The following PLG variants were observed in gnomAD, a reference collection of about 807,000 sequenced individuals.
PLG encodes plasmin.
PLG carries 41 observed loss-of-function variants against 104.4 expected under a neutral mutation model. The observed-to-expected ratio is 0.39, with a 90% CI of 0.31 to 0.51. The LOEUF is 0.51. Among genes scored for constraint, PLG ranks in the 20% least tolerant of loss-of-function variants. The pLI, the probability that PLG is intolerant of heterozygous loss-of-function variation, is 0.76. For missense variants in PLG, 891 were observed against 1,003.6 expected (o/e 0.89, Z 1.52); for synonymous variants, 337 against 357.1 (o/e 0.94, Z 0.63).
chr6:160,746,858 G>A (rs1202616130), intron 17 of PLG, among the ~76,000 whole-genome samples: 1 of 152,154 alleles, frequency 6.6e-6, no homozygotes, highest in East Asian at 1.9e-4. Flanking sequence ...ATGTTAGCAA[G>A]GTATTTTTGG....
chr6:160,748,378 A>AAGAGAGAGAG (rs1405091216), intron 17 of PLG, among the ~76,000 whole-genome samples: 1 of 41,734 alleles, frequency 2.4e-5, no homozygotes, highest in Non-Finnish European at 4.7e-5. Flanking sequence ...GAAAGAAAGA[A>AAGAGAGAGAG]AGAAAGAAAG....
At chr6:160,718,601 C>T in intron 8 of PLG, 92 bp from the exon 9 acceptor site, 1 of 1,431,868 alleles carries the variant, frequency 7.0e-7, no homozygotes, top group Non-Finnish European at 9.9e-7. Flanking sequence ...TGAACTTTAG[C>T]ACGTTTTTTC....
chr6:160,711,573 G>C, intron 4 of PLG: 1 of 1,609,336 alleles, frequency 6.2e-7, no homozygotes, highest in Non-Finnish European at 8.5e-7. Flanking sequence ...CACAATATGT[G>C]AATAAGCAGA....
At chr6:160,742,938 G>A (rs1456987057) in intron 17 of PLG, among the ~76,000 whole-genome samples, 1 of 150,876 alleles carries the variant, frequency 6.6e-6, no homozygotes, top group African/African-American at 2.4e-5. Context: ...TGTCAGCTTT[G>A]TTAAAAATCA....
chr6:160,753,742 C>T lies in PLG; in HGVS notation c.*681C>T, dbSNP rs557756245. Among the ~76,000 whole-genome samples the T allele has an allele frequency of 1.5e-3, 226 of 152,184 alleles. No homozygotes were observed. Among genetic ancestry groups the T allele is most frequent in the African/African-American group, 5.3e-3 (221 of 41,518 alleles). On this transcript the variant is annotated 3_prime_UTR_variant, in exon 19 of 19. Coordinates refer to ENST00000308192, the MANE Select transcript of PLG (RefSeq NM_000301.5). The surrounding 1 kb of genome is among the most constrained non-coding windows in gnomAD (Gnocchi z 5.4). Reference sequence around the variant, plus strand: ...GTGAGTCTAGGATTGGTGCCAAGAGCATGTAAATGAACAACAAGCAAATAT... The same window carrying T: ...GTGAGTCTAGGATTGGTGCCAAGAGTATGTAAATGAACAACAAGCAAATAT...
At chr6:160,727,261 A>G (rs529149041) in intron 10 of PLG, among the ~76,000 whole-genome samples, 2 of 151,940 alleles carry the variant, frequency 1.3e-5, no homozygotes, top group South Asian at 4.1e-4. Flanking sequence ...TCTGATATCT[A>G]TTAAAGACAA....
At position 160,726,631 on chromosome 6, in the gene PLG, A is replaced by G. The variant is rs1428192651; in HGVS notation, c.1256+4064A>G. Among the ~76,000 whole-genome samples the G allele has an allele frequency of 6.6e-6, 1 of 151,942 alleles. No homozygotes were observed. The highest frequency in any genetic ancestry group is 6.6e-5 in the Admixed American group (1 of 15,262). Reference sequence around the variant, plus strand: ...TTTGCTATTTCACTTTTATTTCCTGATAAGTGTACAGTGGAGTTTTCCAGA... The same window carrying G: ...TTTGCTATTTCACTTTTATTTCCTGGTAAGTGTACAGTGGAGTTTTCCAGA... On this transcript the variant is annotated intron_variant, in intron 10 of 18. Coordinates refer to ENST00000308192, the MANE Select transcript of PLG (RefSeq NM_000301.5). The surrounding 1 kb of genome is among the most constrained non-coding windows in gnomAD (Gnocchi z 4.4).
intron 6 of PLG, among the ~76,000 whole-genome samples, chr6:160,716,226 A>G (rs4252106): frequency 0.091 from 13,829 of 152,256 alleles, 1,634 homozygotes; most frequent in Middle Eastern, 0.28. Flanking sequence ...ATTTGCTTAC[A>G]TCAATTTTCC....
In PLG at chr6:160,726,029, T is replaced by A. The variant is rs34644229; in HGVS notation, c.1256+3462T>A. ...TATCCTAATGTCTCTCTCCGTATGG[T>A]TATACATCTTCCCAAACAAAATATA... On this transcript the variant is annotated intron_variant, in intron 10 of 18. Transcript: ENST00000308192. The surrounding 1 kb of genome is among the most constrained non-coding windows in gnomAD (Gnocchi z 4.4). Among the ~76,000 whole-genome samples the A allele has an allele frequency of 1.5e-3, 231 of 152,186 alleles. No homozygotes were observed. The highest frequency in any genetic ancestry group is 2.8e-3 in the Non-Finnish European group (192 of 67,966).
In PLG at chr6:160,718,418, T is replaced by A. The variant is rs766409637; in HGVS notation, c.912T>A (p.Pro304=). Reference sequence around the variant, plus strand: ...GTCAGCACTGGAGTGCACAGACCCCTCACACACATAACAGGACACCAGAAA... The same window carrying A: ...GTCAGCACTGGAGTGCACAGACCCCACACACACATAACAGGACACCAGAAA... The part of the protein sequence containing the change: ...HTCQHWSAQT[P]HTHNRTPENF... The change falls in exon 8 of 19, where the codon CCT becomes CCA. Residue 304 remains proline, a synonymous_variant. Transcript: ENST00000308192. The A allele has an allele frequency of 6.2e-7, 1 of 1,613,768 alleles. No homozygotes were observed. Among genetic ancestry groups the A allele is most frequent in the South Asian group, 1.1e-5 (1 of 91,074 alleles).
In PLG at chr6:160,719,229, A is replaced by G. The variant is rs1350755432; in HGVS notation, c.1096+391A>G. ...GTAAATTAGTCTATTTCTCTTTTAG[A>G]TCGTAACTCTTTTGTATATTTTGAA... On this transcript the variant is annotated intron_variant, in intron 9 of 18. Transcript: ENST00000308192. This position sits in a 1 kb window ranked among gnomAD's most constrained non-coding sequence, Gnocchi z 4.1. 6.6e-6 allele frequency among the ~76,000 whole-genome samples: 1 copy of G among 152,116 alleles called. No individual in the cohort carries two copies. Among genetic ancestry groups the G allele is most frequent in the African/African-American group, 2.4e-5 (1 of 41,432 alleles).
chr6:160,708,008 T>A, intron 3 of PLG: 2 of 539,386 alleles, frequency 3.7e-6, no homozygotes, highest in Non-Finnish European at 6.8e-6. Context: ...AGATTTAATT[T>A]TTTTTGTTCA....
chr6:160,732,355 G>A lies in PLG; in HGVS notation c.1587+462G>A, dbSNP rs952450255. On this transcript the variant is annotated intron_variant, in intron 12 of 18. Transcript: ENST00000308192. This position sits in a 1 kb window ranked among gnomAD's most constrained non-coding sequence, Gnocchi z 4.5. Reference sequence around the variant, plus strand: ...TTGGGGCCTATGAATAGGGAAGACTGAGATATAGGAAAAACCAAAGTGTCT... The same window carrying A: ...TTGGGGCCTATGAATAGGGAAGACTAAGATATAGGAAAAACCAAAGTGTCT... Among the ~76,000 whole-genome samples the A allele has an allele frequency of 4.6e-5, 7 of 152,184 alleles. No homozygotes were observed. The highest frequency in any genetic ancestry group is 1.7e-4 in the African/African-American group (7 of 41,444).
At position 160,752,929 on chromosome 6, in the gene PLG, C is replaced by T. The variant is rs1230107747; in HGVS notation, c.2301C>T (p.Phe767=). ...ACAGTGGAGGTCCTCTGGTTTGCTT[C>T]GAGAAGGACAAATACATTTTACAAG... ...QGDSGGPLVC[F]EKDKYILQGV... is the part of the protein sequence containing the mutation. The change falls in exon 19 of 19, where the codon TTC becomes TTT. Residue 767 remains phenylalanine, a synonymous_variant. Transcript: ENST00000308192. The surrounding 1 kb of genome is among the most constrained non-coding windows in gnomAD (Gnocchi z 4.7). 2.2e-5 allele frequency: 35 copies of T among 1,613,524 alleles called. No homozygotes were observed. The highest frequency in any genetic ancestry group is 6.7e-5 in the African/African-American group (5 of 74,870).
chr6:160,731,187 C>T lies in PLG; in HGVS notation c.1393C>T (p.Pro465Ser), dbSNP rs757219403. The T allele has an allele frequency of 1.2e-6, 2 of 1,614,120 alleles. No homozygotes were observed. Among genetic ancestry groups the T allele is most frequent in the South Asian group, 1.1e-5 (1 of 91,088 alleles). The change falls in exon 11 of 19, where the codon CCG becomes TCG. Residue 465 changes from proline (P) to serine (S), a missense_variant. Pro to Ser is a moderately conservative substitution (Grantham distance 74, BLOSUM62 -1). Coordinates refer to ENST00000308192, the MANE Select transcript of PLG (RefSeq NM_000301.5). The surrounding 1 kb of genome is among the most constrained non-coding windows in gnomAD (Gnocchi z 5.1). ...AACAGAAGCGAGTGTTGTAGCACCT[C>T]CGCCTGTTGTCCTGCTTCCAGATGT... Reference protein sequence around the residue: ...SGTEASVVAPPPVVLLPDVET... With the variant: ...SGTEASVVAPSPVVLLPDVET...
chr6:160,729,867 A>G (rs1285720688), intron 10 of PLG, among the ~76,000 whole-genome samples: 1 of 152,242 alleles, frequency 6.6e-6, no homozygotes, highest in East Asian at 1.9e-4. Flanking sequence ...AGATCTGTGC[A>G]TTTCACACTA....
intron 9 of PLG, among the ~76,000 whole-genome samples, chr6:160,720,132 T>C (rs1458334737): frequency 2.0e-5 from 3 of 152,140 alleles, no homozygotes; most frequent in Non-Finnish European, 4.4e-5. Flanking sequence ...TGAATGTAGA[T>C]ACTGGGTTGA....
Position 160,741,549 on chromosome 6 carries a change from T to G in PLG, c.2125+132T>G, listed in dbSNP as rs1188367974. 2 of 715,434 alleles carry G rather than the reference T, an allele frequency of 2.8e-6. No homozygotes were observed. Among genetic ancestry groups the G allele is most frequent in the Admixed American group, 4.0e-5 (2 of 49,410 alleles). The allele number at this position is 715,434 out of a possible 1,614,324, so 44.3% of individuals were successfully genotyped here. A position where few individuals can be genotyped will look rare whatever the true frequency, so the allele number is the denominator to read the frequency against. On this transcript the variant is annotated intron_variant, in intron 17 of 18. Coordinates refer to ENST00000308192, the MANE Select transcript of PLG (RefSeq NM_000301.5). This position sits in a 1 kb window ranked among gnomAD's most constrained non-coding sequence, Gnocchi z 4.7. ...GGTCCACCCCACTCCTGATTTTGCC[T>G]GGGCACCTGTCTATGTCTTAATCAG...
chr6:160,739,727 TTC>T lies in PLG; in HGVS notation c.2018+520_2018+521del, dbSNP rs141163220. Among the ~76,000 whole-genome samples, 46,858 of 148,098 alleles carry T rather than the reference TTC, an allele frequency of 0.32. 7,770 individuals are homozygous for T. The highest frequency in any genetic ancestry group is 0.48 in the East Asian group (2,408 of 5,010). On this transcript the variant is annotated intron_variant, in intron 16 of 18. Coordinates refer to ENST00000308192, the MANE Select transcript of PLG (RefSeq NM_000301.5). The surrounding 1 kb of genome is among the most constrained non-coding windows in gnomAD (Gnocchi z 4.4). ...AGTGAGTTATGATCGTGTCACTGCATTCCAGCCTGGGCGACAGAGTAAGACAC... is the reference window on the plus strand; with the variant it reads ...AGTGAGTTATGATCGTGTCACTGCATCAGCCTGGGCGACAGAGTAAGACAC...
Sources: gnomAD v4.1 joint callset for allele counts (sites outside exome capture counted in the v4.1 genomes callset) on GRCh38, gnomAD v4.1.1 for gene constraint, Gnocchi (gnomAD v3.1) non-coding constraint, MANE v1.5 for transcripts, NCBI Gene and HGNC (gene_info 2026-07-23, HGNC 2026-07-21) for gene names.